Variants in DISC1 observed in about 807,000 individuals in gnomAD.
The protein encoded by DISC1 is DISC1 scaffold protein.
A neutral mutation model predicts 84.5 loss-of-function variants in DISC1; 57 were observed. The ratio of observed to expected loss-of-function variants is 0.67; its 90% CI spans 0.55 to 0.84. The LOEUF (loss-of-function observed/expected upper bound fraction) is 0.84. Ranked by LOEUF, DISC1 falls within the 40% of genes least tolerant of loss-of-function variation. The probability of loss-of-function intolerance (pLI) is 0.00; values close to 1 mark genes in which losing one functional copy is unlikely to be tolerated. For missense variants in DISC1, 1,000 were observed against 1,057.8 expected (o/e 0.95, Z 0.76); for synonymous variants, 411 against 415.2 (o/e 0.99, Z 0.12).
intron 10 of DISC1, among the ~76,000 whole-genome samples, chr1:231,962,108 A>T (rs191890189): frequency 1.3e-5 from 2 of 152,158 alleles, no homozygotes; most frequent in East Asian, 3.9e-4. Context: ...TATGGTTTTG[A>T]TTTACATTTC....
At chr1:231,813,683 T>C (rs2080573668) in intron 8 of DISC1, among the ~76,000 whole-genome samples, 1 of 152,336 alleles carries the variant, frequency 6.6e-6, no homozygotes, top group Non-Finnish European at 1.5e-5. Flanking sequence ...TGGGGCACTA[T>C]TGTTTTGAAG....
intron 4 of DISC1, among the ~76,000 whole-genome samples, chr1:231,755,000 G>A (rs1269631243): frequency 1.3e-5 from 2 of 152,050 alleles, no homozygotes; most frequent in Non-Finnish European, 2.9e-5. Context: ...ATCTACCAAA[G>A]TCAGCAATGA....
intron 10 of DISC1, among the ~76,000 whole-genome samples, chr1:231,969,674 A>C (rs1661665089): frequency 6.6e-6 from 1 of 150,624 alleles, no homozygotes; most frequent in African/African-American, 2.4e-5. Context: ...TATGTATACC[A>C]GTGCCATGTT....
intron 10 of DISC1, among the ~76,000 whole-genome samples, chr1:231,959,734 T>C (rs1660116364): frequency 6.6e-6 from 1 of 152,150 alleles, no homozygotes; most frequent in Non-Finnish European, 1.5e-5. Flanking sequence ...TGGAAAGCCG[T>C]CCTATAACCT....
At chr1:231,649,336 G>A (rs2060419529) in intron 1 of DISC1, among the ~76,000 whole-genome samples, 1 of 152,186 alleles carries the variant, frequency 6.6e-6, no homozygotes, top group Non-Finnish European at 1.5e-5. Flanking sequence ...TTCAGGAGCA[G>A]GTTGTTCAGT....
intron 9 of DISC1, chr1:231,818,772 G>A (rs1423353647): frequency 4.5e-6 from 6 of 1,330,412 alleles, no homozygotes; most frequent in Non-Finnish European, 5.8e-6. Context: ...TTTGCTAATA[G>A]CCTTGTTATT....
intron 3 of DISC1, among the ~76,000 whole-genome samples, chr1:231,726,596 G>A (rs569334076): frequency 2.6e-5 from 4 of 152,148 alleles, no homozygotes; most frequent in South Asian, 2.1e-4. Flanking sequence ...CAGGGAAGAC[G>A]GGCTGTATTC....
chr1:231,721,846 CA>C (rs1426913424), intron 3 of DISC1, among the ~76,000 whole-genome samples: 1 of 152,004 alleles, frequency 6.6e-6, no homozygotes, highest in Non-Finnish European at 1.5e-5. Context: ...AAGAAGTAAA[CA>C]AAAATTCTTG....
At chr1:231,766,495 C>T (rs1334297008) in intron 4 of DISC1, among the ~76,000 whole-genome samples, 1 of 152,082 alleles carries the variant, frequency 6.6e-6, no homozygotes, top group Admixed American at 6.6e-5. Flanking sequence ...AGAAAATCTT[C>T]TGAAACCCTC....
intron 9 of DISC1, among the ~76,000 whole-genome samples, chr1:231,936,981 C>T (rs1347672939): frequency 6.6e-6 from 1 of 152,150 alleles, no homozygotes; most frequent in Non-Finnish European, 1.5e-5. Flanking sequence ...ATATTTATAA[C>T]ATGTCCCTGT....
intron 10 of DISC1, among the ~76,000 whole-genome samples, chr1:231,990,227 A>G (rs1181895065): frequency 6.6e-6 from 1 of 152,044 alleles, no homozygotes; most frequent in Non-Finnish European, 1.5e-5. Flanking sequence ...CTACAGGCAC[A>G]AGGCATTACC....
At position 232,031,993 on chromosome 1, in the gene DISC1, G is replaced by A. The variant is rs1670094158; in HGVS notation, c.2426-4699G>A. ...GATAAGAGAGTCCCTTATCTGAAAT[G>A]CTTGGGACTAGAAGTGTTTTGAAGT... On this transcript the variant is annotated intron_variant, in intron 12 of 12. Transcript: ENST00000439617. The surrounding 1 kb of genome is among the most constrained non-coding windows in gnomAD (Gnocchi z 4.6). Among the ~76,000 whole-genome samples the A allele has an allele frequency of 6.6e-6, 1 of 152,162 alleles. No individual in the cohort carries two copies. Among genetic ancestry groups the A allele is most frequent in the Non-Finnish European group, 1.5e-5 (1 of 68,024 alleles).
At chr1:231,713,783 T>C (rs1302004374) in intron 3 of DISC1, among the ~76,000 whole-genome samples, 1 of 144,674 alleles carries the variant, frequency 6.9e-6, no homozygotes, top group South Asian at 2.2e-4. Flanking sequence ...ATAGGAGATA[T>C]ATATATAGGA....
intron 9 of DISC1, chr1:231,854,666 C>T (rs1048968507): frequency 2.7e-4 from 45 of 165,684 alleles, no homozygotes; most frequent in Admixed American, 9.3e-4. Context: ...TGTAGTGTAT[C>T]ACCCTGTACT....
Position 231,694,275 on chromosome 1 carries a change from G to A in DISC1, c.517G>A (p.Ala173Thr). ...CAGCGATGGAGCAAGGCGTGTCCGGGCAGCAGGCTCTCTGCCATCAGCAGA... is the reference window on the plus strand; with the variant it reads ...CAGCGATGGAGCAAGGCGTGTCCGGACAGCAGGCTCTCTGCCATCAGCAGA... ...ACSDGARRVR[A>T]AGSLPSAELS... Residue 173 changes from alanine to threonine, a missense_variant, in exon 2 of 13, where the codon GCA (alanine) becomes ACA (threonine). Transcript: ENST00000439617. 1 of 1,614,262 alleles carries A rather than the reference G, an allele frequency of 6.2e-7. No individual in the cohort carries two copies. Among genetic ancestry groups the A allele is most frequent in the African/African-American group, 1.3e-5 (1 of 75,080 alleles).
intron 9 of DISC1, among the ~76,000 whole-genome samples, chr1:231,874,587 C>T (rs556525484): frequency 6.6e-6 from 1 of 150,950 alleles, no homozygotes; most frequent in South Asian, 2.1e-4. Flanking sequence ...AACGATAAAA[C>T]AATTTAACCC....
chr1:231,730,986 T>TAAAAA (rs954113046), intron 3 of DISC1, among the ~76,000 whole-genome samples: 3 of 146,912 alleles, frequency 2.0e-5, no homozygotes, highest in Non-Finnish European at 4.5e-5. Context: ...TTTAAATGGC[T>TAAAAA]AAAAAAAAAA....
At chr1:231,734,340 G>A (rs553727447) in intron 3 of DISC1, among the ~76,000 whole-genome samples, 1 of 152,332 alleles carries the variant, frequency 6.6e-6, no homozygotes, top group South Asian at 2.1e-4. Context: ...TCTGTTTGAA[G>A]TGGTGGGGCA....
At chr1:231,815,927 A>G (rs1310122190) in intron 8 of DISC1, among the ~76,000 whole-genome samples, 3 of 152,164 alleles carry the variant, frequency 2.0e-5, no homozygotes. Context: ...CACTGTGACC[A>G]TTTATTTGAG....
Sources: gnomAD v4.1 joint callset for allele counts (sites outside exome capture counted in the v4.1 genomes callset) on GRCh38, gnomAD v4.1.1 for gene constraint, Gnocchi (gnomAD v3.1) non-coding constraint, MANE v1.5 for transcripts, NCBI Gene and HGNC (gene_info 2026-07-23, HGNC 2026-07-21) for gene names.